TYRP1: variants seen among roughly 807,000 people sequenced by gnomAD.
TYRP1 encodes the protein 5,6-dihydroxyindole-2-carboxylic acid oxidase.
A neutral mutation model predicts 42.8 loss-of-function variants in TYRP1; 49 were observed. The ratio of observed to expected loss-of-function variants is 1.14; its 90% confidence interval spans 0.91 to 1.45. The LOEUF (loss-of-function observed/expected upper bound fraction) is 1.45. TYRP1 is among the 40% of genes most tolerant of loss of function. TYRP1 has a pLI of 0.00. For synonymous variants in TYRP1, 279 were observed against 235.4 expected (o/e 1.19, Z -1.69); for missense variants, 848 against 662.0 (o/e 1.28, Z -3.08).
Position 12,704,534 on chromosome 9 carries a change from G to T in TYRP1, c.1090G>T (p.Asp364Tyr). ...CCTTACCATGTGTCTAGGTTACAGT[G>T]ACCCCACGGGAAAGTATGACCCTGC... ...SFRNTVEGYS[D>Y]PTGKYDPAVR... The change falls in exon 6 of 8, where the codon GAC (aspartate) becomes TAC (tyrosine). Residue 364 changes from aspartate (D) to tyrosine (Y), a missense_variant. Physicochemically the swap from Asp to Tyr is radical, Grantham distance 160 (BLOSUM62 -3). Transcript: ENST00000388918. 3 of 1,611,948 alleles carry T rather than the reference G, an allele frequency of 1.9e-6. No individual in the cohort carries two copies. The highest frequency in any genetic ancestry group is 2.5e-6 in the Non-Finnish European group (3 of 1,179,306).
intron 5 of TYRP1, 128 bp downstream of exon 5, chr9:12,702,566 T>C: frequency 1.0e-6 from 1 of 989,184 alleles, no homozygotes; most frequent in Non-Finnish European, 1.5e-6. Flanking sequence ...GAATGAGATT[T>C]TCTATTATGA....
intron 5 of TYRP1, among the ~76,000 whole-genome samples, chr9:12,703,883 ATGTGTGTGTGTG>A (rs58360847): frequency 1.4e-5 from 2 of 143,432 alleles, no homozygotes; most frequent in African/African-American, 5.2e-5. Flanking sequence ...ATATATATAT[ATGTGTGTGTGTG>A]TGTGTGTGTG....
chr9:12,696,075 A>G (rs896432195), intron 3 of TYRP1, among the ~76,000 whole-genome samples: 1 of 152,230 alleles, frequency 6.6e-6, no homozygotes, highest in Non-Finnish European at 1.5e-5. Context: ...AGACATTTGC[A>G]GGAATGAATT....
chr9:12,698,639 G>A lies in TYRP1; in HGVS notation c.897G>A (p.Leu299=), dbSNP rs1208575684. ...VCDSLEDYDT[L]GTLCNSTEDG... ...ACTCCTTGGAAGATTATGATACCCT[G>A]GGAACACTTTGTAACAGTAAGTTCC... Residue 299 remains leucine (L), a synonymous_variant, in exon 4 of 8, where the codon CTG becomes CTA. Coordinates refer to ENST00000388918, the MANE Select transcript of TYRP1 (RefSeq NM_000550.3). 2 of 1,613,418 alleles carry A rather than the reference G, an allele frequency of 1.2e-6. No homozygotes were observed. The highest frequency in any genetic ancestry group is 1.7e-5 in the Admixed American group (1 of 59,894).
In TYRP1 at chr9:12,702,252, A is replaced by T; in HGVS notation, c.914-19A>T. 1 of 1,612,646 alleles carries T rather than the reference A, an allele frequency of 6.2e-7. No homozygotes were observed. The highest frequency in any genetic ancestry group is 8.5e-7 in the Non-Finnish European group (1 of 1,179,104). ...CCAAACATTGTGTAAATGTTTCCAC[A>T]TCCCATTTTTTTCTGCAGGCACCGA... On this transcript the variant is annotated intron_variant, in intron 4 of 7. Coordinates refer to ENST00000388918, the MANE Select transcript of TYRP1 (RefSeq NM_000550.3).
chr9:12,709,487 C>G lies in TYRP1; in HGVS notation c.*305C>G. On this transcript the variant is annotated 3_prime_UTR_variant, in exon 8 of 8. Transcript: ENST00000388918. ...GTATGTGAAGATATAAGTAAGTGAA[C>G]TACCATGCTTTGTTTACGTGTAAAG... is the stretch of plus-strand genomic sequence containing the variant. The G allele has an allele frequency of 2.8e-6, 1 of 351,464 alleles. No individual in the cohort carries two copies. Among genetic ancestry groups the G allele is most frequent in the South Asian group, 3.2e-5 (1 of 30,898 alleles). 21.8% of individuals were successfully genotyped at this position (351,464 alleles called of 1,614,324 possible).
rs149324507 is a variant in TYRP1, at chr9:12,695,694, G to C, written c.565G>C (p.Val189Leu). 16 of 1,614,026 alleles carry C rather than the reference G, an allele frequency of 9.9e-6. No individual in the cohort carries two copies. The African/African-American group carries it at 2.0e-4, about 20-fold the overall frequency. Residue 189 changes from valine to leucine, a missense_variant, in exon 3 of 8, where the codon GTT (valine) becomes CTT (leucine). Physicochemically the swap from Val to Leu is conservative, Grantham distance 32. Coordinates refer to ENST00000388918, the MANE Select transcript of TYRP1 (RefSeq NM_000550.3). Reference sequence around the variant, plus strand: ...GAACATTTCCATTTATAACTACTTTGTTTGGACACACTATTACTCAGTCAA... The same window carrying C: ...GAACATTTCCATTTATAACTACTTTCTTTGGACACACTATTACTCAGTCAA... ...FENISIYNYF[V>L]WTHYYSVKKT... is the part of the protein sequence containing the mutation.
At chr9:12,706,301 C>G (rs780977210) in intron 6 of TYRP1, among the ~76,000 whole-genome samples, 98 of 152,040 alleles carry the variant, frequency 6.4e-4, no homozygotes, top group Non-Finnish European at 1.2e-3. Context: ...ATTCAGTAAC[C>G]TGGCAAGTCT....
At chr9:12,695,929 G>A in intron 3 of TYRP1, 92 bp downstream of exon 3, 1 of 1,412,462 alleles carries the variant, frequency 7.1e-7, no homozygotes, top group Non-Finnish European at 9.8e-7. Context: ...AGAATCATCA[G>A]AACATTTGAT....
At chr9:12,700,856 T>A (rs574789122) in intron 4 of TYRP1, among the ~76,000 whole-genome samples, 10 of 152,076 alleles carry the variant, frequency 6.6e-5, no homozygotes, top group Non-Finnish European at 1.5e-4. Flanking sequence ...GGTGATAATG[T>A]ACACTCAATA....
In TYRP1 at chr9:12,703,575, G is replaced by A. The variant is rs947714732; in HGVS notation, c.1082-951G>A. Among the ~76,000 whole-genome samples the A allele has an allele frequency of 8.6e-5, 13 of 151,698 alleles. No homozygotes were observed. In the South Asian group the frequency reaches 1.5e-3, roughly 17 times the overall value. ...TATAAAAAGACGAGTGTCAAGCCACGTTCCATATATATCACAGACAATCTT... is the reference window on the plus strand; with the variant it reads ...TATAAAAAGACGAGTGTCAAGCCACATTCCATATATATCACAGACAATCTT... On this transcript the variant is annotated intron_variant, in intron 5 of 7. Transcript: ENST00000388918.
At chr9:12,694,483 A>G in intron 2 of TYRP1, 102 bp downstream of exon 2, 1 of 1,395,832 alleles carries the variant, frequency 7.2e-7, no homozygotes, top group Non-Finnish European at 9.9e-7. Context: ...GAAATCATAT[A>G]GCTCAACCCT....
At chr9:12,704,505 T>C in intron 5 of TYRP1, 21 bp from the exon 6 acceptor site, 1 of 1,607,178 alleles carries the variant, frequency 6.2e-7, no homozygotes, top group Non-Finnish European at 8.5e-7. Context: ...TTTACTATTC[T>C]CCTCCTTACC....
Position 12,694,135 on chromosome 9 carries a change from CCT to C in TYRP1, c.140_141del (p.Pro47ArgfsTer19), listed in dbSNP as rs757376458. 24 of 1,613,916 alleles carry C rather than the reference CCT, an allele frequency of 1.5e-5. No homozygotes were observed. Among genetic ancestry groups the C allele is most frequent in the Non-Finnish European group, 2.0e-5 (24 of 1,180,010 alleles). On this transcript the variant is annotated frameshift_variant, in exon 2 of 8. Transcript: ENST00000388918. LOFTEE classifies it high-confidence loss of function. ...TGGTATGTGTTGCCCAGACCTGTCC[CCT>C]GTGTCTGGGCCTGGGACAGACCGCT... ...RSGMCCPDLS[P>X]VSGPGTDRCG...
chr9:12,694,530 G>A (rs1380256307), intron 2 of TYRP1, 149 bp downstream of exon 2: 2 of 1,015,698 alleles, frequency 2.0e-6, no homozygotes, highest in Non-Finnish European at 2.9e-6. Flanking sequence ...GCTTAGAAAG[G>A]TTAAGAAACT....
chr9:12,700,954 C>T (rs1023195900), intron 4 of TYRP1, among the ~76,000 whole-genome samples: 4 of 151,906 alleles, frequency 2.6e-5, no homozygotes, highest in Non-Finnish European at 4.4e-5. Flanking sequence ...CTGATTATTA[C>T]GTTAATTATA....
chr9:12,706,236 T>C (rs2209277), intron 6 of TYRP1, among the ~76,000 whole-genome samples: 76,892 of 151,916 alleles, frequency 0.51, 22,660 homozygotes, highest in Non-Finnish European at 0.68. Context: ...TTGTATTTAT[T>C]CAGTTATTCA....
intron 5 of TYRP1, among the ~76,000 whole-genome samples, 167 bp from the exon 6 acceptor site, chr9:12,704,359 A>G (rs565615440): frequency 4.6e-5 from 7 of 152,158 alleles, no homozygotes; most frequent in Admixed American, 2.6e-4. Context: ...GGTATAGCAA[A>G]CAAATGTCAT....
At position 12,709,255 on chromosome 9, in the gene TYRP1, T is replaced by G; in HGVS notation, c.*73T>G. The G allele has an allele frequency of 1.4e-6, 2 of 1,411,578 alleles. No individual in the cohort carries two copies. Among genetic ancestry groups the G allele is most frequent in the Non-Finnish European group, 2.0e-6 (2 of 1,000,626 alleles). The allele number at this position is 1,411,578 out of a possible 1,614,324, so 87.4% of individuals were successfully genotyped here. On this transcript the variant is annotated 3_prime_UTR_variant, in exon 8 of 8. Coordinates refer to ENST00000388918, the MANE Select transcript of TYRP1 (RefSeq NM_000550.3). ...GAATATAATAGATTGAGTTATTAAC[T>G]GTATTTTCTTTCACTTTATTACCTT...
Sources: gnomAD v4.1 joint callset for allele counts (sites outside exome capture counted in the v4.1 genomes callset) on GRCh38, gnomAD v4.1.1 for gene constraint, MANE v1.5 for transcripts, NCBI Gene and HGNC (gene_info 2026-07-23, HGNC 2026-07-21) for gene names.